Variants in ZNF226 observed in about 807,000 individuals in gnomAD.
ZNF226 encodes zinc finger protein 226, also known as Kruppel-associated box protein.
A neutral mutation model predicts 11.4 loss-of-function variants in ZNF226; 6 were observed. The observed-to-expected ratio is 0.53, with a 90% CI of 0.29 to 1.04. ZNF226 has a LOEUF of 1.04. ZNF226 is among the 50% of genes least tolerant of loss of function. ZNF226 has a pLI of 0.08. For synonymous variants in ZNF226, 350 were observed against 322.8 expected (o/e 1.08, Z -0.90); for missense variants, 1,058 against 956.5 (o/e 1.11, Z -1.40).
the ZNF226 span, among the ~76,000 whole-genome samples, chr19:44,194,467 C>T: frequency 2.0e-5 from 3 of 152,104 alleles, no homozygotes; most frequent in Non-Finnish European, 4.4e-5. Flanking sequence ...TTTTTAGAGA[C>T]AGGGTCTTGT....
chr19:44,176,414 C>T lies in ZNF226; in HGVS notation c.1152C>T (p.Leu384=). ...CTCATCTTCAGGACCATCAGAGACT[C>T]CACACTGGGGAGAAGCCATTCAAAT... The part of the protein sequence containing the change: ...QASHLQDHQR[L]HTGEKPFKCD... Residue 384 remains leucine, a synonymous_variant, in exon 6 of 6, where the codon CTC becomes CTT. Transcript: ENST00000337433. 3.1e-6 allele frequency: 5 copies of T among 1,614,092 alleles called. No homozygotes were observed. The highest frequency in any genetic ancestry group is 4.2e-6 in the Non-Finnish European group (5 of 1,179,992).
Position 44,175,661 on chromosome 19 carries a change from G to C in ZNF226, c.399G>C (p.Gln133His), listed in dbSNP as rs143496841. ...QCHKQGDFPY[Q>H]VGTELSIQIS... ...ACAAACAAGGTGATTTCCCTTACCA[G>C]GTAGGGACAGAACTGTCTATTCAAA... The change falls in exon 6 of 6, where the codon CAG becomes CAC. Residue 133 changes from glutamine to histidine, a missense_variant. Physicochemically the swap from Gln to His is conservative, Grantham distance 24. Transcript: ENST00000337433. The C allele has an allele frequency of 6.2e-7, 1 of 1,613,832 alleles. No individual in the cohort carries two copies. The highest frequency in any genetic ancestry group is 1.3e-5 in the African/African-American group (1 of 75,048).
chr19:44,170,159 G>C (rs1286908535), intron 3 of ZNF226, 64 bp downstream of exon 3: 2 of 1,561,902 alleles, frequency 1.3e-6, no homozygotes, highest in Non-Finnish European at 1.7e-6. Context: ...GATGGAACCA[G>C]GTTTTTCTTT....
chr19:44,193,367 T>TA, the ZNF226 span, among the ~76,000 whole-genome samples: 6 of 151,770 alleles, frequency 4.0e-5, no homozygotes, highest in Admixed American at 6.6e-5. Flanking sequence ...CACAAGTGTA[T>TA]AAAAAAAGAC....
intron 5 of ZNF226, 64 bp downstream of exon 5, chr19:44,173,016 C>T: frequency 6.8e-7 from 1 of 1,465,062 alleles, no homozygotes; most frequent in Non-Finnish European, 9.3e-7. Context: ...TCTTCTTAGC[C>T]TTGTTGCCAT....
the ZNF226 span, among the ~76,000 whole-genome samples, chr19:44,190,068 C>G: frequency 6.6e-6 from 1 of 152,168 alleles, no homozygotes; most frequent in African/African-American, 2.4e-5. Context: ...AAAGACAATG[C>G]ACAGAACTAC....
chr19:44,175,848 TTA>T lies in ZNF226; in HGVS notation c.588_589del (p.Cys197SerfsTer3), dbSNP rs752171633. ...RDQQISIKNKLCQCKKGVDPI... is the reference protein window; with the variant it reads ...RDQQISIKNKXCQCKKGVDPI... ...TCAGCAAATTTCCATAAAAAATAAA[TTA>T]TGTCAATGTAAGAAGGGTGTTGATC... On this transcript the variant is annotated frameshift_variant, in exon 6 of 6. Coordinates refer to ENST00000337433, the MANE Select transcript of ZNF226 (RefSeq NM_001032373.2). LOFTEE classifies it low-confidence loss of function (END_TRUNC). 1.5e-4 allele frequency: 249 copies of T among 1,613,548 alleles called. No homozygotes were observed. Among genetic ancestry groups the T allele is most frequent in the Non-Finnish European group, 2.0e-4 (239 of 1,179,786 alleles).
Position 44,175,561 on chromosome 19 carries a change from G to C in ZNF226, c.299G>C (p.Cys100Ser), listed in dbSNP as rs939185554. ...AGAGAATCAGAAGAAGAGCTTTCTTGTTGGCAAATCTGGCAACAAATTGCA... is the reference window on the plus strand; with the variant it reads ...AGAGAATCAGAAGAAGAGCTTTCTTCTTGGCAAATCTGGCAACAAATTGCA... Reference protein sequence around the residue: ...QDRESEEELSCWQIWQQIAND... With the variant: ...QDRESEEELSSWQIWQQIAND... Residue 100 changes from cysteine (C) to serine (S), a missense_variant, in exon 6 of 6, where the codon TGT becomes TCT. By Grantham distance (112) the Cys-to-Ser change is moderately radical. Transcript: ENST00000337433. The C allele has an allele frequency of 3.1e-6, 5 of 1,612,522 alleles. No homozygotes were observed. Among genetic ancestry groups the C allele is most frequent in the Non-Finnish European group, 4.2e-6 (5 of 1,179,472 alleles).
At chr19:44,189,947 G>C in the ZNF226 span, among the ~76,000 whole-genome samples, 1 of 152,196 alleles carries the variant, frequency 6.6e-6, no homozygotes, top group Non-Finnish European at 1.5e-5. Flanking sequence ...AGCTTACAGG[G>C]CTTTAGGAAA....
intron 5 of ZNF226, chr19:44,174,345 G>A (rs1277017924): frequency 6.6e-6 from 1 of 152,046 alleles, no homozygotes; most frequent in African/African-American, 2.4e-5. Flanking sequence ...CTATTTCTTA[G>A]GTATTCCCCC....
intron 2 of ZNF226, among the ~76,000 whole-genome samples, chr19:44,169,354 C>T (rs751695855): frequency 1.7e-4 from 26 of 151,996 alleles, no homozygotes; most frequent in Non-Finnish European, 2.4e-4. Flanking sequence ...GATTGTCAAA[C>T]GGTGTTTTTT....
chr19:44,194,635 CATGTGAACTTTAAAAAAATG>C, the ZNF226 span, among the ~76,000 whole-genome samples: 1 of 152,144 alleles, frequency 6.6e-6, no homozygotes, highest in Middle Eastern at 3.2e-3. Context: ...TTACCTAAGT[CATGTGAACTTTAAAAAAATG>C]TGAGTTAACT....
At chr19:44,179,857 T>TG (rs1970879724), downstream of ZNF226, among the ~76,000 whole-genome samples, 5 of 151,772 alleles carry the variant, frequency 3.3e-5, no homozygotes, top group Admixed American at 1.3e-4. Flanking sequence ...CTGAGGCAGG[T>TG]GGATCACCTG....
chr19:44,176,634 C>A lies in ZNF226; in HGVS notation c.1372C>A (p.Arg458=), dbSNP rs765600746. The A allele has an allele frequency of 5.0e-6, 8 of 1,614,000 alleles. No homozygotes were observed. The South Asian group carries it at 8.8e-5, about 18-fold the overall frequency. Residue 458 remains arginine, a synonymous_variant, in exon 6 of 6, where the codon CGG becomes AGG. Transcript: ENST00000337433. ...TGAGGAATGTGGTAAAGGCTTTAGT[C>A]GGCCTTCAAGTCTTCAGGCCCATCA... ...KCEECGKGFS[R]PSSLQAHQGV... is the part of the protein sequence containing the mutation.
chr19:44,192,982 A>T, the ZNF226 span, among the ~76,000 whole-genome samples: 2 of 152,118 alleles, frequency 1.3e-5, no homozygotes, highest in African/African-American at 4.8e-5. Context: ...TTTCCATAAG[A>T]TTCATCTTAT....
Position 44,172,935 on chromosome 19 carries a change from G to T in ZNF226, c.218G>T (p.Arg73Leu). The part of the protein sequence containing the change: ...EQLWIMTTAT[R>L]RQGNLGEKNQ... ...CTTTGGATAATGACGACAGCAACCC[G>T]AAGACAGGGAAATTTAGGTAAAAAC... The change falls in exon 5 of 6, where the codon CGA becomes CTA. Residue 73 changes from arginine to leucine, a missense_variant. Transcript: ENST00000337433. The T allele has an allele frequency of 6.2e-7, 1 of 1,600,404 alleles. No individual in the cohort carries two copies. Among genetic ancestry groups the T allele is most frequent in the Non-Finnish European group, 8.5e-7 (1 of 1,173,238 alleles).
intron 3 of ZNF226, among the ~76,000 whole-genome samples, chr19:44,170,995 C>T (rs1198717927): frequency 6.6e-6 from 1 of 151,304 alleles, no homozygotes; most frequent in Admixed American, 6.6e-5. Context: ...TATATATTGG[C>T]ATTCATAACA....
In ZNF226 at chr19:44,176,644, G is replaced by A. The variant is rs766842293; in HGVS notation, c.1382G>A (p.Ser461Asn). The change falls in exon 6 of 6, where the codon AGT (serine) becomes AAT (asparagine). Residue 461 changes from serine to asparagine, a missense_variant. Ser to Asn is a conservative substitution (Grantham distance 46, BLOSUM62 1). Transcript: ENST00000337433. ...GGTAAAGGCTTTAGTCGGCCTTCAA[G>A]TCTTCAGGCCCATCAGGGAGTTCAC... ...ECGKGFSRPS[S>N]LQAHQGVHTG... 17 of 1,613,418 alleles carry A rather than the reference G, an allele frequency of 1.1e-5. No individual in the cohort carries two copies. The Admixed American group carries it at 1.5e-4, about 14-fold the overall frequency.
Position 44,175,189 on chromosome 19 carries a change from T to G in ZNF226, c.236-309T>G. ...TGTAAACTGTGAGCACTACAAAATG[T>G]TTTTCCTTATTGATACCATATTATG... On this transcript the variant is annotated intron_variant, in intron 5 of 5. Coordinates refer to ENST00000337433, the MANE Select transcript of ZNF226 (RefSeq NM_001032373.2). 3 of 1,430,016 alleles carry G rather than the reference T, an allele frequency of 2.1e-6. No homozygotes were observed. In the South Asian group the frequency reaches 4.8e-5, roughly 23 times the overall value. 88.6% of individuals were successfully genotyped at this position (1,430,016 alleles called of 1,614,324 possible).
Sources: allele counts gnomAD v4.1 joint callset (sites outside exome capture counted in the v4.1 genomes callset), GRCh38; gene constraint gnomAD v4.1.1; transcripts MANE v1.5; gene names NCBI Gene and HGNC (gene_info 2026-07-23, HGNC 2026-07-21).